The following UMPS variants were observed in gnomAD, a reference collection of about 807,000 sequenced individuals.
The protein encoded by UMPS is uridine monophosphate synthetase.
A neutral mutation model predicts 38.9 loss-of-function variants in UMPS; 21 were observed. That is an observed-to-expected ratio of 0.54 (90% CI 0.38 to 0.78). The LOEUF is 0.78. UMPS is among the 30% of genes least tolerant of loss of function. The pLI is 0.00. For missense variants in UMPS, 533 were observed against 591.6 expected, an observed-to-expected ratio of 0.90 and a Z score of 1.03; for synonymous variants, 208 against 219.3, an observed-to-expected ratio of 0.95 and a Z score of 0.45.
chr3:124,733,958 A>T (rs1353404727), intron 1 of UMPS, among the ~76,000 whole-genome samples: 1 of 152,234 alleles, frequency 6.6e-6, no homozygotes, highest in Non-Finnish European at 1.5e-5. Flanking sequence ...TGGAGTGAAA[A>T]TATGAGTTGG....
At position 124,748,625 on chromosome 3, in the gene UMPS, G is replaced by A. The variant is rs1334288515; in HGVS notation, c.*4541G>A. 1 of 454,098 alleles carries A rather than the reference G, an allele frequency of 2.2e-6. No homozygotes were observed. The highest frequency in any genetic ancestry group is 1.6e-5 in the South Asian group (1 of 64,466). The allele number at this position is 454,098 out of a possible 1,614,324, so 28.1% of individuals were successfully genotyped here. ...CTCACGTGCTGCTGCTGAATCCCAG[G>A]GAAGGAGGGAGGAAGGGCAGTTGAC... On this transcript the variant is annotated 3_prime_UTR_variant, in exon 6 of 6. Coordinates refer to ENST00000232607, the MANE Select transcript of UMPS (RefSeq NM_000373.4).
chr3:124,737,505 C>T (rs375774574), intron 2 of UMPS, 63 bp from the exon 3 acceptor site: 11 of 1,448,300 alleles, frequency 7.6e-6, no homozygotes, highest in African/African-American at 4.2e-5. Context: ...AGTGTGTGTA[C>T]GTATATACGC....
At chr3:124,742,356 C>A in intron 5 of UMPS, 90 bp downstream of exon 5, 2 of 953,336 alleles carry the variant, frequency 2.1e-6, no homozygotes, top group Non-Finnish European at 3.4e-6. Flanking sequence ...TATACACTTG[C>A]TTAAGAAAAG....
rs533458480 is a variant in UMPS at position 124,746,676 on chromosome 3, TGAGACTGATGGAGTG to T, written c.*2597_*2611del. 1 of 453,762 alleles carries T rather than the reference TGAGACTGATGGAGTG, an allele frequency of 2.2e-6. No homozygotes were observed. The highest frequency in any genetic ancestry group is 1.6e-5 in the South Asian group (1 of 64,474). 28.1% of individuals were successfully genotyped at this position (453,762 alleles called of 1,614,324 possible). On this transcript the variant is annotated 3_prime_UTR_variant, in exon 6 of 6. Coordinates refer to ENST00000232607, the MANE Select transcript of UMPS (RefSeq NM_000373.4). The stretch of plus-strand genomic sequence containing the variant: ...CTCCATGGGGTGCACAGAATGTCTG[TGAGACTGATGGAGTG>T]GAGAACGCCATCCCCCAGCCTCTCC...
In UMPS at chr3:124,737,864, G is replaced by A. The variant is rs753524583; in HGVS notation, c.607G>A (p.Glu203Lys). 3 of 1,614,222 alleles carry A rather than the reference G, an allele frequency of 1.9e-6. No homozygotes were observed. The highest frequency in any genetic ancestry group is 1.3e-5 in the African/African-American group (1 of 75,050). ...TGGGAGAGTGAAGAGGTTTATTCAG[G>A]AGAATGTCTTTGTGGCAGCGAATCA... ...TVGRVKRFIQ[E>K]NVFVAANHNG... Residue 203 changes from glutamate (E) to lysine (K), a missense_variant, in exon 3 of 6, where the codon GAG (glutamate) becomes AAG (lysine). Physicochemically the swap from Glu to Lys is moderately conservative, Grantham distance 56 (BLOSUM62 1). Transcript: ENST00000232607.
Position 124,737,838 on chromosome 3 carries a change from T to C in UMPS, c.581T>C (p.Val194Ala), listed in dbSNP as rs766371401. 6.2e-6 allele frequency: 10 copies of C among 1,614,030 alleles called. No individual in the cohort carries two copies. The highest frequency in any genetic ancestry group is 3.3e-5 in the South Asian group (3 of 91,078). ...CAGAAAAAAGTTGATGCTGAGACAG[T>C]TGGGAGAGTGAAGAGGTTTATTCAG... is the stretch of plus-strand genomic sequence containing the variant. ...EQQKKVDAET[V>A]GRVKRFIQEN... The change falls in exon 3 of 6, where the codon GTT becomes GCT. Residue 194 changes from valine to alanine, a missense_variant. Transcript: ENST00000232607.
Position 124,738,012 on chromosome 3 carries a change from C to T in UMPS, c.755C>T (p.Thr252Ile), listed in dbSNP as rs1339744651. Residue 252 changes from threonine (T) to isoleucine (I), a missense_variant, in exon 3 of 6, where the codon ACC becomes ATC. By Grantham distance (89) the Thr-to-Ile change is moderately conservative (BLOSUM62 -1). Transcript: ENST00000232607. ...CTCAGGCTTATGCAAAAGAAGGAGA[C>T]CAATCTGTGTCTATCTGCTGATGTT... is the stretch of plus-strand genomic sequence containing the variant. ...KLLRLMQKKETNLCLSADVSL... is the reference protein window; with the variant it reads ...KLLRLMQKKEINLCLSADVSL... 6.2e-7 allele frequency: 1 copy of T among 1,614,086 alleles called. No individual in the cohort carries two copies. Among genetic ancestry groups the T allele is most frequent in the Non-Finnish European group, 8.5e-7 (1 of 1,180,042 alleles).
intron 4 of UMPS, among the ~76,000 whole-genome samples, chr3:124,740,759 G>A (rs1375848857): frequency 6.6e-6 from 1 of 152,004 alleles, no homozygotes; most frequent in Non-Finnish European, 1.5e-5. Context: ...GGAGTTGGAC[G>A]TCATAGTGAG....
intron 1 of UMPS, chr3:124,732,360 C>T (rs2063485805): frequency 1.3e-5 from 2 of 154,736 alleles, no homozygotes; most frequent in African/African-American, 4.8e-5. Flanking sequence ...GGTTTTTAGT[C>T]AATATAAGGA....
chr3:124,743,577 G>T (rs1366710338), intron 5 of UMPS, among the ~76,000 whole-genome samples: 1 of 152,056 alleles, frequency 6.6e-6, no homozygotes, highest in African/African-American at 2.4e-5. Flanking sequence ...GGCAGAGCTT[G>T]CAGTGAGCCG....
chr3:124,748,963 G>A lies in UMPS; in HGVS notation c.*4879G>A, dbSNP rs1036548564. 1 of 453,952 alleles carries A rather than the reference G, an allele frequency of 2.2e-6. No homozygotes were observed. Among genetic ancestry groups the A allele is most frequent in the Non-Finnish European group, 4.4e-6 (1 of 226,682 alleles). The allele number at this position is 453,952 out of a possible 1,614,324, so 28.1% of individuals were successfully genotyped here. ...GGAAGTGGACGGGCCGCACAACCAA[G>A]GTTCTCATGAGGACAACCATGTCTT... On this transcript the variant is annotated 3_prime_UTR_variant, in exon 6 of 6. Transcript: ENST00000232607.
intron 3 of UMPS, among the ~76,000 whole-genome samples, chr3:124,738,996 C>A (rs906738770): frequency 6.6e-6 from 1 of 152,176 alleles, no homozygotes; most frequent in Non-Finnish European, 1.5e-5. Flanking sequence ...GGTAACTTTT[C>A]TTTAATGTAT....
At position 124,745,133 on chromosome 3, in the gene UMPS, A is replaced by G. The variant is rs1419883751; in HGVS notation, c.*1049A>G. 6.6e-6 allele frequency: 3 copies of G among 454,110 alleles called. No individual in the cohort carries two copies. Among genetic ancestry groups the G allele is most frequent in the Middle Eastern group, 6.9e-4 (1 of 1,444 alleles). 28.1% of individuals were successfully genotyped at this position (454,110 alleles called of 1,614,324 possible). ...TTAAGGATCCCACATAATTGTCCCA[A>G]CGGTCATTAGTAGAGGGGAGGTAAG... On this transcript the variant is annotated 3_prime_UTR_variant, in exon 6 of 6. Coordinates refer to ENST00000232607, the MANE Select transcript of UMPS (RefSeq NM_000373.4).
rs1201227305 is a variant in UMPS, at chr3:124,749,155, G to T, written c.*5071G>T. ...CCTTGTTTACCTGGAACCTAGCAAT[G>T]TTGTTTTCTGCCACAACTTGAATAG... On this transcript the variant is annotated 3_prime_UTR_variant, in exon 6 of 6. Transcript: ENST00000232607. The T allele has an allele frequency of 2.2e-6, 1 of 454,078 alleles. No homozygotes were observed. The allele number at this position is 454,078 out of a possible 1,614,324, so 28.1% of individuals were successfully genotyped here. A position where few individuals can be genotyped will look rare whatever the true frequency, so the allele number is the denominator to read the frequency against.
At chr3:124,743,811 C>A in intron 5 of UMPS, 104 bp from the exon 6 acceptor site, 1 of 1,427,618 alleles carries the variant, frequency 7.0e-7, no homozygotes, top group Non-Finnish European at 9.7e-7. Context: ...AAAGTAGGGG[C>A]ATGTTTTTAT....
intron 3 of UMPS, 145 bp downstream of exon 3, chr3:124,738,384 A>G (rs770754308): frequency 8.8e-6 from 7 of 799,044 alleles, no homozygotes; most frequent in Middle Eastern, 3.5e-4. Flanking sequence ...TGATATCTTC[A>G]TGACTTGCTT....
rs755295656 is a variant in UMPS, at chr3:124,730,491, C to G, written c.20C>G (p.Ala7Gly). The G allele has an allele frequency of 4.3e-6, 7 of 1,614,186 alleles. No homozygotes were observed. Among genetic ancestry groups the G allele is most frequent in the Non-Finnish European group, 5.1e-6 (6 of 1,180,016 alleles). ...GCGACAATGGCGGTCGCTCGTGCAG[C>G]TTTGGGGCCATTGGTGACGGGTCTG... is the stretch of plus-strand genomic sequence containing the variant. The part of the protein sequence containing the change: MAVARA[A>G]LGPLVTGLYD... Residue 7 changes from alanine to glycine, a missense_variant, in exon 1 of 6, where the codon GCT (alanine) becomes GGT (glycine). Physicochemically the swap from Ala to Gly is moderately conservative, Grantham distance 60. Coordinates refer to ENST00000232607, the MANE Select transcript of UMPS (RefSeq NM_000373.4).
chr3:124,745,942 G>A lies in UMPS; in HGVS notation c.*1858G>A, dbSNP rs1165583459. 4 of 454,108 alleles carry A rather than the reference G, an allele frequency of 8.8e-6. No homozygotes were observed. The highest frequency in any genetic ancestry group is 1.6e-5 in the South Asian group (1 of 64,476). The allele number at this position is 454,108 out of a possible 1,614,324, so 28.1% of individuals were successfully genotyped here. On this transcript the variant is annotated 3_prime_UTR_variant, in exon 6 of 6. Coordinates refer to ENST00000232607, the MANE Select transcript of UMPS (RefSeq NM_000373.4). ...AACAGGTACCAGCCCCACCCGCAGC[G>A]TTTCTGACTCTGGGTAGCTCTGGGA...
chr3:124,735,057 C>T (rs777595337), intron 1 of UMPS, 36 bp from the exon 2 acceptor site: 3 of 1,575,108 alleles, frequency 1.9e-6, no homozygotes, highest in African/African-American at 1.4e-5. Context: ...AAAATAGTTA[C>T]AATAAAACAT....
Sources: allele counts gnomAD v4.1 joint callset (sites outside exome capture counted in the v4.1 genomes callset), GRCh38; gene constraint gnomAD v4.1.1; transcripts MANE v1.5; gene names NCBI Gene and HGNC (gene_info 2026-07-23, HGNC 2026-07-21).